GLS: variants seen among roughly 807,000 people sequenced by gnomAD.
GLS encodes the protein glutaminase kidney isoform, mitochondrial.
Under a neutral mutation model 86.7 loss-of-function variants are expected in GLS, and 36 were observed. That is an observed-to-expected ratio of 0.42 (90% confidence interval 0.32 to 0.55). GLS has a LOEUF of 0.55. GLS is among the 20% of genes least tolerant of loss of function. The pLI is 0.17. For missense variants in GLS, 528 were observed against 833.4 expected, an observed-to-expected ratio of 0.63 and a Z score of 4.51; for synonymous variants, 317 against 305.9, an observed-to-expected ratio of 1.04 and a Z score of -0.38.
At position 190,881,365 on chromosome 2, in the gene GLS, T is replaced by G. The variant is rs1484566207; in HGVS notation, c.281T>G (p.Val94Gly). 2.6e-6 allele frequency: 4 copies of G among 1,538,672 alleles called. No homozygotes were observed. Among genetic ancestry groups the G allele is most frequent in the South Asian group, 1.2e-5 (1 of 83,494 alleles). ...GKGSTHPQPG[V>G]SPPAAPAAPG... The stretch of plus-strand genomic sequence containing the variant: ...GGGAGCACGCATCCGCAGCCCGGGG[T>G]GTCGCCACCCGCTGCCCCGGCGGCG... Residue 94 changes from valine (V) to glycine (G), a missense_variant, in exon 1 of 18, where the codon GTG becomes GGG. Val to Gly is a moderately radical substitution (Grantham distance 109). Coordinates refer to ENST00000320717, the MANE Select transcript of GLS (RefSeq NM_014905.5).
intron 1 of GLS, among the ~76,000 whole-genome samples, chr2:190,889,858 A>G (rs1231941395): frequency 6.6e-6 from 1 of 152,224 alleles, no homozygotes; most frequent in Non-Finnish European, 1.5e-5. Flanking sequence ...AGTCCAGTCA[A>G]AACAGCAGCA....
chr2:190,889,668 C>T (rs1172605987), intron 1 of GLS, among the ~76,000 whole-genome samples: 2 of 151,990 alleles, frequency 1.3e-5, no homozygotes, highest in African/African-American at 2.4e-5. Context: ...ACTTGATCTC[C>T]CCAGATCCTA....
chr2:190,948,328 G>A (rs796688325), intron 14 of GLS, among the ~76,000 whole-genome samples: 12 of 152,182 alleles, frequency 7.9e-5, no homozygotes, highest in African/African-American at 2.9e-4. Context: ...GTACATTAAA[G>A]TTTCCTGATT....
chr2:190,902,114 T>C (rs1435634670), intron 5 of GLS, 88 bp downstream of exon 5: 1 of 761,296 alleles, frequency 1.3e-6, no homozygotes, highest in Non-Finnish European at 2.4e-6. Context: ...TCATCTTTTA[T>C]AATGGAAATT....
chr2:190,906,468 T>C (rs1689139224), intron 6 of GLS, among the ~76,000 whole-genome samples: 2 of 152,184 alleles, frequency 1.3e-5, no homozygotes, highest in Non-Finnish European at 2.9e-5. Flanking sequence ...TTTATGGTTT[T>C]AGGAATCATG....
chr2:190,887,193 A>C (rs1688414001), intron 1 of GLS, among the ~76,000 whole-genome samples: 1 of 152,212 alleles, frequency 6.6e-6, no homozygotes. Flanking sequence ...AATTACTGAT[A>C]TCTCTCAGTG....
rs539511197 is a variant in GLS, at chr2:190,907,642, GTTACT to G, written c.979+2479_979+2483del. ...TTTATCATTATAAGTGAGCAAACAA[GTTACT>G]TTATGGAGATGTCAGTTTTGCAAAC... is the stretch of plus-strand genomic sequence containing the variant. On this transcript the variant is annotated intron_variant, in intron 6 of 17. Transcript: ENST00000320717. Among the ~76,000 whole-genome samples the G allele has an allele frequency of 2.6e-5, 4 of 152,334 alleles. 1 individual carries two copies. The highest frequency in any genetic ancestry group is 9.6e-5 in the African/African-American group (4 of 41,572).
rs907309187 is a variant in GLS, at chr2:190,964,026, A to C, written c.*1040A>C. 6.6e-6 allele frequency: 1 copy of C among 152,126 alleles called. No homozygotes were observed. The highest frequency in any genetic ancestry group is 2.1e-4 in the South Asian group (1 of 4,830). 9.4% of individuals were successfully genotyped at this position (152,126 alleles called of 1,614,324 possible). A position where few individuals can be genotyped will look rare whatever the true frequency, so the allele number is the denominator to read the frequency against. On this transcript the variant is annotated 3_prime_UTR_variant, in exon 18 of 18. Transcript: ENST00000320717. This position sits in a 1 kb window ranked among gnomAD's most constrained non-coding sequence, Gnocchi z 5.2. ...ATTTGTTTCCAAGCCTGTCATTAAG[A>C]GTCTGCATCAAGAGATTTGTCCTCC...
At chr2:190,948,370 C>T (rs1488410348) in intron 14 of GLS, among the ~76,000 whole-genome samples, 2 of 152,050 alleles carry the variant, frequency 1.3e-5, no homozygotes, top group Non-Finnish European at 2.9e-5. Context: ...TAACAATATA[C>T]TCTGAATAAA....
At chr2:190,885,982 C>T (rs1387856437) in intron 1 of GLS, among the ~76,000 whole-genome samples, 7 of 151,996 alleles carry the variant, frequency 4.6e-5, no homozygotes, top group Non-Finnish European at 7.4e-5. Flanking sequence ...AAGTCGTTCT[C>T]CTGCCTCAGC....
intron 14 of GLS, among the ~76,000 whole-genome samples, chr2:190,945,134 T>A (rs1241692360): frequency 1.3e-5 from 2 of 152,210 alleles, no homozygotes; most frequent in African/African-American, 4.8e-5. Context: ...TTCTTCCACT[T>A]ACCAGCTCTG....
chr2:190,907,248 T>G (rs1054770813), intron 6 of GLS, among the ~76,000 whole-genome samples: 3 of 149,830 alleles, frequency 2.0e-5, no homozygotes, highest in Non-Finnish European at 4.5e-5. Context: ...CAGTAGTTTT[T>G]TTTTTTTTTT....
chr2:190,952,976 T>A (rs1475042874), intron 14 of GLS, among the ~76,000 whole-genome samples: 1 of 152,184 alleles, frequency 6.6e-6, no homozygotes. Context: ...GTTGAGAAAC[T>A]TTTAAACACA....
In GLS at chr2:190,881,493, G is replaced by A. The variant is rs374890296; in HGVS notation, c.386+23G>A. ...AAAGTGAGTGTCTCCGCGAGGCGCA[G>A]GAGGCCTCGTTCCTTTCGGGGCCCG... On this transcript the variant is annotated intron_variant, in intron 1 of 17. Transcript: ENST00000320717. 4.8e-5 allele frequency: 73 copies of A among 1,535,068 alleles called. No homozygotes were observed. The African/African-American group carries it at 9.8e-4, about 21-fold the overall frequency.
intron 5 of GLS, 67 bp downstream of exon 5, chr2:190,902,093 C>T (rs1466504494): frequency 5.9e-6 from 5 of 850,868 alleles, no homozygotes; most frequent in Non-Finnish European, 1.0e-5. Context: ...GTGAGAATGA[C>T]ATGGAGAAGA....
In GLS at chr2:190,941,334, T is replaced by G. The variant is rs866737211; in HGVS notation, c.1650+9697T>G. Among the ~76,000 whole-genome samples, 16 of 152,348 alleles carry G rather than the reference T, an allele frequency of 1.1e-4. No individual in the cohort carries two copies. The Middle Eastern group carries it at 0.01, about 97-fold the overall frequency. On this transcript the variant is annotated intron_variant, in intron 14 of 17. Coordinates refer to ENST00000320717, the MANE Select transcript of GLS (RefSeq NM_014905.5). ...ATGGTATATGCCATATGATGCTATT[T>G]TTGTACATCTATAATAAACTTTATG... is the stretch of plus-strand genomic sequence containing the variant.
chr2:190,900,275 T>G (rs919529569), intron 3 of GLS, among the ~76,000 whole-genome samples: 4 of 152,130 alleles, frequency 2.6e-5, no homozygotes, highest in Admixed American at 1.3e-4. Flanking sequence ...GTAAGAAGCT[T>G]GTTTCAGATG....
chr2:190,934,439 A>G lies in GLS; in HGVS notation c.1650+2802A>G, dbSNP rs918664679. On this transcript the variant is annotated intron_variant, in intron 14 of 17. Coordinates refer to ENST00000320717, the MANE Select transcript of GLS (RefSeq NM_014905.5). ...ATTTTAAGTTGTAGAGGATTTTCCC[A>G]AGGATTTTATGCTTACTTGAATGTT... The G allele has an allele frequency of 3.1e-6, 3 of 957,862 alleles. No homozygotes were observed. The African/African-American group carries it at 5.3e-5, about 17-fold the overall frequency. 59.3% of individuals were successfully genotyped at this position (957,862 alleles called of 1,614,324 possible).
Position 190,880,940 on chromosome 2 carries a change from T to A in GLS, c.-145T>A. 5.9e-6 allele frequency: 6 copies of A among 1,021,074 alleles called. No individual in the cohort carries two copies. The South Asian group carries it at 6.9e-5, about 12-fold the overall frequency. The allele number at this position is 1,021,074 out of a possible 1,614,324, so 63.3% of individuals were successfully genotyped here. The stretch of plus-strand genomic sequence containing the variant: ...GCAGCACCCGCATCCGCTGCGGGAG[T>A]CCGAGCCGGAACCACACCCAAGTAG... On this transcript the variant is annotated 5_prime_UTR_variant, in exon 1 of 18. Transcript: ENST00000320717.
Sources: gnomAD v4.1 joint callset for allele counts (sites outside exome capture counted in the v4.1 genomes callset) on GRCh38, gnomAD v4.1.1 for gene constraint, Gnocchi (gnomAD v3.1) non-coding constraint, MANE v1.5 for transcripts, NCBI Gene and HGNC (gene_info 2026-07-23, HGNC 2026-07-21) for gene names.